Variants in DLG2 observed in about 807,000 individuals in gnomAD.
DLG2 encodes discs large MAGUK scaffold protein 2.
A neutral mutation model predicts 132.5 loss-of-function variants in DLG2; 45 were observed. The observed-to-expected ratio is 0.34, with a 90% confidence interval of 0.27 to 0.44. DLG2 has a LOEUF of 0.44. Among genes scored for constraint, DLG2 ranks in the 20% least tolerant of loss-of-function variants. The pLI is 1.00. For synonymous variants in DLG2, 424 were observed against 419.6 expected (o/e 1.01, Z -0.13); for missense variants, 1,045 against 1,196.9 (o/e 0.87, Z 1.87).
chr11:83,549,984 G>C (rs994415868), intron 19 of DLG2, among the ~76,000 whole-genome samples: 4 of 152,112 alleles, frequency 2.6e-5, no homozygotes, highest in Non-Finnish European at 5.9e-5. Context: ...CCAAAATGTA[G>C]GCATTATTCT....
At chr11:84,215,783 CACT>C (rs1431812147) in intron 8 of DLG2, among the ~76,000 whole-genome samples, 1 of 152,114 alleles carries the variant, frequency 6.6e-6, no homozygotes, top group African/African-American at 2.4e-5. Flanking sequence ...AAAATAACAT[CACT>C]GGTCATGAAC....
At chr11:83,489,682 G>A (rs75950329) in intron 21 of DLG2, among the ~76,000 whole-genome samples, 9,931 of 152,020 alleles carry the variant, frequency 0.065, 1,089 homozygotes, top group African/African-American at 0.22. Context: ...ATTAATATGG[G>A]AGGGATGTAG....
At chr11:83,945,934 G>GTCCT (rs760832594) in intron 14 of DLG2, among the ~76,000 whole-genome samples, 36 of 136,062 alleles carry the variant, frequency 2.6e-4, no homozygotes, top group African/African-American at 6.8e-4. Context: ...CCTTCCTTCC[G>GTCCT]TCCTTCCTTC....
At position 83,965,364 on chromosome 11, in the gene DLG2, A is replaced by C. The variant is rs1172884868; in HGVS notation, c.1161T>G (p.Ile387Met). 6.2e-7 allele frequency: 1 copy of C among 1,612,364 alleles called. No individual in the cohort carries two copies. ...GTGGACCATAAGGATCAGTCATATAAATGGTAGTGGGTTTGCCAACTTTTA... is the reference window on the plus strand; with the variant it reads ...GTGGACCATAAGGATCAGTCATATACATGGTAGTGGGTTTGCCAACTTTTA... ...VYLKVGKPTT[I>M]YMTDPYGPPD... Residue 387 changes from isoleucine (I) to methionine (M), a missense_variant, in exon 13 of 28, where the codon ATT becomes ATG. Transcript: ENST00000376104.
At chr11:84,631,766 G>C (rs530696001) in intron 6 of DLG2, among the ~76,000 whole-genome samples, 1 of 152,260 alleles carries the variant, frequency 6.6e-6, no homozygotes, top group East Asian at 1.9e-4. Flanking sequence ...GGTACCAGCT[G>C]GTGCTATTTC....
intron 4 of DLG2, among the ~76,000 whole-genome samples, chr11:85,155,854 G>C (rs185991899): frequency 7.0e-6 from 1 of 143,336 alleles, no homozygotes; most frequent in African/African-American, 2.6e-5. Flanking sequence ...GCAAGACTCT[G>C]TATCAAAAAA....
intron 6 of DLG2, among the ~76,000 whole-genome samples, chr11:84,698,685 T>C (rs962132563): frequency 5.3e-5 from 8 of 151,536 alleles, no homozygotes; most frequent in African/African-American, 1.5e-4. Flanking sequence ...AAGTAAGAAA[T>C]AAGATACCTG....
In DLG2 at chr11:83,694,606, T is replaced by C. The variant is rs118093313; in HGVS notation, c.1826-61281A>G. On this transcript the variant is annotated intron_variant, in intron 18 of 27. Transcript: ENST00000376104. ...TTCTGCTTCCTGTTTGCCAGACTGT[T>C]CCTTTCTTCCTTCAACCTCACGGTC... Among the ~76,000 whole-genome samples, 496 of 152,350 alleles carry C rather than the reference T, an allele frequency of 3.3e-3. 1 individual carries two copies. Among genetic ancestry groups the C allele is most frequent in the Middle Eastern group, 0.02 (6 of 294 alleles).
chr11:83,493,982 A>G (rs751467368), intron 21 of DLG2, among the ~76,000 whole-genome samples: 11 of 152,114 alleles, frequency 7.2e-5, no homozygotes, highest in Non-Finnish European at 1.6e-4. Flanking sequence ...CAAGGTATCA[A>G]AGCAGAATGT....
At chr11:85,526,677 GTAAA>G (rs1406142510) in intron 3 of DLG2, among the ~76,000 whole-genome samples, 6 of 152,130 alleles carry the variant, frequency 3.9e-5, no homozygotes, top group African/African-American at 1.4e-4. Context: ...CTGATTGCTA[GTAAA>G]TAGTTTTTCT....
At chr11:84,722,932 G>A (rs2061999874) in intron 6 of DLG2, among the ~76,000 whole-genome samples, 1 of 152,074 alleles carries the variant, frequency 6.6e-6, no homozygotes, top group African/African-American at 2.4e-5. Flanking sequence ...AAATGTACTA[G>A]GTCACATTTT....
At chr11:83,702,142 C>G (rs1003595138) in intron 18 of DLG2, among the ~76,000 whole-genome samples, 1 of 152,158 alleles carries the variant, frequency 6.6e-6, no homozygotes, top group Non-Finnish European at 1.5e-5. Flanking sequence ...TCAGCAAATT[C>G]CCCTTAACTT....
intron 16 of DLG2, among the ~76,000 whole-genome samples, chr11:83,844,896 C>T (rs2058327329): frequency 6.6e-6 from 1 of 152,126 alleles, no homozygotes; most frequent in Admixed American, 6.5e-5. Flanking sequence ...CACCAAGCCT[C>T]CAGCTCATTA....
At chr11:84,163,889 A>G (rs1464363787) in intron 8 of DLG2, among the ~76,000 whole-genome samples, 1 of 152,210 alleles carries the variant, frequency 6.6e-6, no homozygotes, top group Non-Finnish European at 1.5e-5. Context: ...GAACACTAAA[A>G]TATGACCTTA....
At chr11:84,509,725 T>G (rs2099251883) in intron 7 of DLG2, among the ~76,000 whole-genome samples, 1 of 152,090 alleles carries the variant, frequency 6.6e-6, no homozygotes, top group Non-Finnish European at 1.5e-5. Context: ...GTGGGTGAAT[T>G]GAGAAGCAAT....
chr11:85,472,329 G>A (rs1042463260), intron 3 of DLG2, among the ~76,000 whole-genome samples: 4 of 152,072 alleles, frequency 2.6e-5, no homozygotes, highest in Non-Finnish European at 4.4e-5. Flanking sequence ...TTGAGACAGA[G>A]TCTCACTCTG....
intron 7 of DLG2, among the ~76,000 whole-genome samples, chr11:84,477,371 T>C (rs1204428308): frequency 6.6e-6 from 1 of 152,024 alleles, no homozygotes. Context: ...GGTACATGCC[T>C]GTAATCCCAG....
At position 83,520,695 on chromosome 11, in the gene DLG2, G is replaced by T. The variant is rs9326441; in HGVS notation, c.2193+12013C>A. 2.8e-3 allele frequency among the ~76,000 whole-genome samples: 420 copies of T among 149,088 alleles called. 3 individuals are homozygous for T. Among genetic ancestry groups the T allele is most frequent in the Middle Eastern group, 3.4e-3 (1 of 292 alleles). Reference sequence around the variant, plus strand: ...GAAAGACAGACAGGTAAGTAGGTAGGTAGATAGATAGATAGATAGATAGAT... The same window carrying T: ...GAAAGACAGACAGGTAAGTAGGTAGTTAGATAGATAGATAGATAGATAGAT... On this transcript the variant is annotated intron_variant, in intron 21 of 27. Coordinates refer to ENST00000376104, the MANE Select transcript of DLG2 (RefSeq NM_001142699.3).
At chr11:84,627,448 G>A (rs2099624716) in intron 6 of DLG2, among the ~76,000 whole-genome samples, 1 of 152,104 alleles carries the variant, frequency 6.6e-6, no homozygotes, top group African/African-American at 2.4e-5. Context: ...GTACCTAATT[G>A]TAAAACCCCA....
Sources: gnomAD v4.1 joint callset for allele counts (sites outside exome capture counted in the v4.1 genomes callset) on GRCh38, gnomAD v4.1.1 for gene constraint, MANE v1.5 for transcripts, NCBI Gene and HGNC (gene_info 2026-07-23, HGNC 2026-07-21) for gene names.